The following HHAT variants were observed in gnomAD, a reference collection of about 807,000 sequenced individuals.
The protein encoded by HHAT is protein-cysteine N-palmitoyltransferase HHAT.
A neutral mutation model predicts 70.8 loss-of-function variants in HHAT; 47 were observed. The ratio of observed to expected loss-of-function variants is 0.66; its 90% CI spans 0.53 to 0.85. HHAT has a LOEUF of 0.85. HHAT is among the 40% of genes least tolerant of loss of function. The pLI, the probability that HHAT is intolerant of heterozygous loss-of-function variation, is 0.00. For missense variants in HHAT, 609 were observed against 604.8 expected (o/e 1.01, Z -0.07); for synonymous variants, 228 against 247.6 (o/e 0.92, Z 0.74).
intron 7 of HHAT, among the ~76,000 whole-genome samples, chr1:210,458,439 T>C (rs887139468): frequency 6.6e-6 from 1 of 152,170 alleles, no homozygotes; most frequent in African/African-American, 2.4e-5. Context: ...ATAACTAGAC[T>C]ATACAGAAAG....
intron 10 of HHAT, among the ~76,000 whole-genome samples, chr1:210,608,411 T>G (rs1292856478): frequency 6.6e-6 from 1 of 152,200 alleles, no homozygotes; most frequent in African/African-American, 2.4e-5. Context: ...TGGCTATCTA[T>G]TCTGTTGCGT....
intron 8 of HHAT, among the ~76,000 whole-genome samples, chr1:210,510,955 GC>G (rs1381787703): frequency 6.6e-6 from 1 of 152,104 alleles, no homozygotes; most frequent in Non-Finnish European, 1.5e-5. Flanking sequence ...GGCTCTACAA[GC>G]TTTGGATGAG....
chr1:210,622,537 A>C (rs1221433517), intron 10 of HHAT, among the ~76,000 whole-genome samples: 1 of 152,168 alleles, frequency 6.6e-6, no homozygotes, highest in Non-Finnish European at 1.5e-5. Context: ...GAAAATCTTA[A>C]AAGGAGAAGT....
chr1:210,496,728 A>G (rs1033454387), intron 8 of HHAT, among the ~76,000 whole-genome samples: 1 of 152,196 alleles, frequency 6.6e-6, no homozygotes, highest in Non-Finnish European at 1.5e-5. Context: ...TGCTCTCTAC[A>G]CCCATGGTTA....
intron 11 of HHAT, among the ~76,000 whole-genome samples, chr1:210,670,753 C>G (rs1439499482): frequency 2.6e-5 from 4 of 152,152 alleles, no homozygotes; most frequent in African/African-American, 9.7e-5. Context: ...GGGCATGTAA[C>G]AATTATCAAG....
At chr1:210,586,997 GCTT>G (rs1397398230) in intron 9 of HHAT, among the ~76,000 whole-genome samples, 7 of 152,204 alleles carry the variant, frequency 4.6e-5, no homozygotes, top group African/African-American at 1.7e-4. Flanking sequence ...ATTCACGACT[GCTT>G]CTGGGCAACC....
chr1:210,653,190 TAGGA>T (rs1415462186), intron 11 of HHAT, among the ~76,000 whole-genome samples: 4 of 152,012 alleles, frequency 2.6e-5, no homozygotes, highest in African/African-American at 7.3e-5. Context: ...CCTTAAAAAA[TAGGA>T]AGGAACAGTG....
chr1:210,481,421 T>C (rs1473131658), intron 8 of HHAT, among the ~76,000 whole-genome samples: 4 of 152,136 alleles, frequency 2.6e-5, no homozygotes, highest in African/African-American at 9.7e-5. Context: ...ACTTGTGTTT[T>C]CTCCATAAGG....
At chr1:210,613,854 C>CA (rs1026827238) in intron 10 of HHAT, among the ~76,000 whole-genome samples, 11 of 150,688 alleles carry the variant, frequency 7.3e-5, no homozygotes, top group Admixed American at 2.0e-4. Context: ...TTTGACTCTA[C>CA]AAAAAAAAGC....
At chr1:210,661,765 G>C (rs1432109010) in intron 11 of HHAT, among the ~76,000 whole-genome samples, 1 of 152,168 alleles carries the variant, frequency 6.6e-6, no homozygotes, top group East Asian at 1.9e-4. Context: ...CATGGATGCA[G>C]CTGGAAACCA....
chr1:210,617,796 C>G (rs1349529807), intron 10 of HHAT, among the ~76,000 whole-genome samples: 2 of 152,214 alleles, frequency 1.3e-5, no homozygotes, highest in Non-Finnish European at 2.9e-5. Context: ...AGTATGCACA[C>G]AGAGTTCGGA....
chr1:210,462,528 A>ACT (rs1417775456), intron 7 of HHAT: 1 of 152,208 alleles, frequency 6.6e-6, no homozygotes, highest in African/African-American at 2.4e-5. Context: ...TCACACACAC[A>ACT]CACAAATCAG....
rs188395829 is a variant in HHAT at position 210,595,121 on chromosome 1, C to T, written c.1245+7022C>T. Among the ~76,000 whole-genome samples the T allele has an allele frequency of 6.6e-5, 10 of 152,234 alleles. No individual in the cohort carries two copies. In the East Asian group the frequency reaches 1.2e-3, roughly 18 times the overall value. ...CTAATGCTATTCCTCCCCACTCCCC[C>T]CACCCCACAACAGGCCCCAGTGTGT... On this transcript the variant is annotated intron_variant, in intron 10 of 11. Coordinates refer to ENST00000261458, the MANE Select transcript of HHAT (RefSeq NM_018194.6).
At chr1:210,415,352 A>C (rs1331366409) in intron 6 of HHAT, among the ~76,000 whole-genome samples, 1 of 152,208 alleles carries the variant, frequency 6.6e-6, no homozygotes, top group Non-Finnish European at 1.5e-5. Context: ...CAGAGCATGC[A>C]TGCTTGAGGT....
intron 9 of HHAT, among the ~76,000 whole-genome samples, chr1:210,522,696 G>A (rs1187033553): frequency 2.6e-5 from 4 of 152,122 alleles, no homozygotes; most frequent in African/African-American, 7.2e-5. Flanking sequence ...AAGTTTAATA[G>A]TATATGCTAA....
At chr1:210,573,517 G>A (rs891761234) in intron 9 of HHAT, among the ~76,000 whole-genome samples, 1 of 152,188 alleles carries the variant, frequency 6.6e-6, no homozygotes, top group Admixed American at 6.5e-5. Context: ...CCCAGCCATG[G>A]TTTTATTTGA....
chr1:210,332,876 C>G (rs959865637), intron 1 of HHAT, among the ~76,000 whole-genome samples: 1 of 152,216 alleles, frequency 6.6e-6, no homozygotes, highest in African/African-American at 2.4e-5. Flanking sequence ...TTACAGTCTT[C>G]TGTCTCATCA....
At chr1:210,360,751 G>GA (rs2148015798) in intron 2 of HHAT, among the ~76,000 whole-genome samples, 1 of 149,936 alleles carries the variant, frequency 6.7e-6, no homozygotes, top group Non-Finnish European at 1.5e-5. Flanking sequence ...TAAAGAATTA[G>GA]AAAAAGGGAA....
chr1:210,529,663 G>A (rs2095292874), intron 9 of HHAT, among the ~76,000 whole-genome samples: 1 of 152,132 alleles, frequency 6.6e-6, no homozygotes, highest in Non-Finnish European at 1.5e-5. Flanking sequence ...GAGCATCGTG[G>A]GAATGACAGG....
Sources: gnomAD v4.1 joint callset for allele counts (sites outside exome capture counted in the v4.1 genomes callset) on GRCh38, gnomAD v4.1.1 for gene constraint, MANE v1.5 for transcripts, NCBI Gene and HGNC (gene_info 2026-07-23, HGNC 2026-07-21) for gene names.